COL5A1: variants seen among roughly 807,000 people sequenced by gnomAD.
COL5A1 encodes collagen alpha-1(V) chain.
A neutral mutation model predicts 263.7 loss-of-function variants in COL5A1; 16 were observed. The observed-to-expected ratio is 0.06, with a 90% CI of 0.04 to 0.09. The LOEUF (loss-of-function observed/expected upper bound fraction) is 0.09. COL5A1 is among the 10% of genes least tolerant of loss of function. COL5A1 has a pLI of 1.00. For missense variants in COL5A1, 2,036 were observed against 2,540.5 expected (o/e 0.80, Z 4.27); for synonymous variants, 1,012 against 1,004.5 (o/e 1.01, Z -0.14).
intron 1 of COL5A1, among the ~76,000 whole-genome samples, chr9:134,656,269 C>A (rs191660643): frequency 6.6e-6 from 1 of 152,300 alleles, no homozygotes; most frequent in Non-Finnish European, 1.5e-5. Context: ...AGGGTGGGGG[C>A]CTGTGCCTCC....
At chr9:134,648,497 A>G (rs1056594535) in intron 1 of COL5A1, among the ~76,000 whole-genome samples, 3 of 152,012 alleles carry the variant, frequency 2.0e-5, no homozygotes, top group Non-Finnish European at 4.4e-5. Context: ...TCCTGGCTCC[A>G]GTGTCTACCA....
intron 29 of COL5A1, among the ~76,000 whole-genome samples, chr9:134,784,455 G>A (rs971234249): frequency 3.9e-5 from 6 of 152,198 alleles, no homozygotes; most frequent in East Asian, 1.9e-4. Context: ...TCTGTAACTT[G>A]AGGAAGTTGG....
At position 134,741,667 on chromosome 9, in the gene COL5A1, G is replaced by A. The variant is rs1835307784; in HGVS notation, c.1494+2859G>A. ...CTTTTAGGCAGAAGAGGGGAGGTAA[G>A]AGAACTCTTCTTGCGTCCGTCGATT... On this transcript the variant is annotated intron_variant, in intron 11 of 65. Coordinates refer to ENST00000371817, the MANE Select transcript of COL5A1 (RefSeq NM_000093.5). The surrounding 1 kb of genome is among the most constrained non-coding windows in gnomAD (Gnocchi z 4.5). Among the ~76,000 whole-genome samples the A allele has an allele frequency of 6.6e-6, 1 of 152,174 alleles. No individual in the cohort carries two copies. Among genetic ancestry groups the A allele is most frequent in the African/African-American group, 2.4e-5 (1 of 41,424 alleles).
rs1833635484 is a variant in COL5A1, at chr9:134,700,543, G to A, written c.491+421G>A. Among the ~76,000 whole-genome samples, 2 of 152,200 alleles carry A rather than the reference G, an allele frequency of 1.3e-5. No homozygotes were observed. The highest frequency in any genetic ancestry group is 3.2e-3 in the Middle Eastern group (1 of 316). Reference sequence around the variant, plus strand: ...GGGTCGTGCCAGCACGCTCTGTTGGGTGCAGACCTCAACACCAGGGGTTGT... The same window carrying A: ...GGGTCGTGCCAGCACGCTCTGTTGGATGCAGACCTCAACACCAGGGGTTGT... On this transcript the variant is annotated intron_variant, in intron 3 of 65. Transcript: ENST00000371817. This position sits in a 1 kb window ranked among gnomAD's most constrained non-coding sequence, Gnocchi z 4.0.
At chr9:134,835,603 C>G (rs1035686839) in intron 65 of COL5A1, among the ~76,000 whole-genome samples, 1 of 152,204 alleles carries the variant, frequency 6.6e-6, no homozygotes, top group Non-Finnish European at 1.5e-5. Context: ...GGCCTGTTCC[C>G]GAGAGCACGG....
At position 134,796,562 on chromosome 9, in the gene COL5A1, G is replaced by A. The variant is rs917811491; in HGVS notation, c.2844+144G>A. The A allele has an allele frequency of 8.2e-5, 73 of 891,212 alleles. No homozygotes were observed. In the East Asian group the frequency reaches 1.8e-3, roughly 22 times the overall value. The allele number at this position is 891,212 out of a possible 1,614,324, so 55.2% of individuals were successfully genotyped here. ...GTAGGGTTTTCCTAAGATCCCAAGG[G>A]TGGGTCACGCCCTGGGAGTGAACTC... On this transcript the variant is annotated intron_variant, in intron 35 of 65. Coordinates refer to ENST00000371817, the MANE Select transcript of COL5A1 (RefSeq NM_000093.5).
chr9:134,804,639 GGC>G (rs1240418837), intron 39 of COL5A1, among the ~76,000 whole-genome samples: 3 of 152,216 alleles, frequency 2.0e-5, no homozygotes, highest in Non-Finnish European at 4.4e-5. Flanking sequence ...AGATGAGCGT[GGC>G]TTCCAGGTGG....
chr9:134,784,173 C>T (rs960555093), intron 29 of COL5A1, among the ~76,000 whole-genome samples: 3 of 152,226 alleles, frequency 2.0e-5, no homozygotes. Flanking sequence ...GAGAGGAACA[C>T]CTCTTAGGGA....
intron 1 of COL5A1, among the ~76,000 whole-genome samples, chr9:134,687,184 C>G (rs1249638384): frequency 6.6e-6 from 1 of 152,166 alleles, no homozygotes; most frequent in Non-Finnish European, 1.5e-5. Flanking sequence ...GGGGATATGG[C>G]CCTGCTGGCT....
intron 29 of COL5A1, 66 bp downstream of exon 29, chr9:134,782,786 GT>G: frequency 7.2e-7 from 1 of 1,393,756 alleles, no homozygotes; most frequent in Non-Finnish European, 1.0e-6. Flanking sequence ...GTGGGAGGGG[GT>G]GGGGATGTTT....
rs141605844 is a variant in COL5A1, at chr9:134,682,204, G to A, written c.110-8708G>A. The stretch of plus-strand genomic sequence containing the variant: ...TGCTGCCCTGTTCGGGCTGGGGGCT[G>A]GACTGGGTGTCCCCAGAGCCGACAG... On this transcript the variant is annotated intron_variant, in intron 1 of 65. Coordinates refer to ENST00000371817, the MANE Select transcript of COL5A1 (RefSeq NM_000093.5). The surrounding 1 kb of genome is among the most constrained non-coding windows in gnomAD (Gnocchi z 5.1). Among the ~76,000 whole-genome samples, 34 of 152,320 alleles carry A rather than the reference G, an allele frequency of 2.2e-4. No individual in the cohort carries two copies. The highest frequency in any genetic ancestry group is 1.4e-3 in the Admixed American group (22 of 15,306).
At chr9:134,717,207 G>A (rs774340160) in intron 4 of COL5A1, among the ~76,000 whole-genome samples, 22 of 152,274 alleles carry the variant, frequency 1.4e-4, no homozygotes, top group Middle Eastern at 3.4e-3. Flanking sequence ...AAGGGGCACC[G>A]GTGGCGTCCG....
At position 134,841,825 on chromosome 9, in the gene COL5A1, T is replaced by C. The variant is rs532418219; in HGVS notation, c.5371-332T>C. 1.3e-5 allele frequency among the ~76,000 whole-genome samples: 2 copies of C among 152,260 alleles called. No homozygotes were observed. The highest frequency in any genetic ancestry group is 4.1e-4 in the South Asian group (2 of 4,824). The stretch of plus-strand genomic sequence containing the variant: ...AATACCTGGGGCATCACAAGGAGTC[T>C]GGACTGGGCACGGTGGGAAGGCTGA... On this transcript the variant is annotated intron_variant, in intron 65 of 65. Transcript: ENST00000371817. The surrounding 1 kb of genome is among the most constrained non-coding windows in gnomAD (Gnocchi z 4.8).
intron 1 of COL5A1, among the ~76,000 whole-genome samples, chr9:134,643,907 C>T (rs1029214779): frequency 6.6e-6 from 1 of 152,100 alleles, no homozygotes; most frequent in Admixed American, 6.6e-5. Context: ...GCTTGGGGTT[C>T]CATTTCCCTC....
chr9:134,698,446 G>A (rs1286678120), intron 2 of COL5A1, among the ~76,000 whole-genome samples: 2 of 152,264 alleles, frequency 1.3e-5, no homozygotes, highest in African/African-American at 4.8e-5. Context: ...GCCTGTGGGG[G>A]CCTTGGAGGG....
intron 43 of COL5A1, among the ~76,000 whole-genome samples, 196 bp downstream of exon 43, chr9:134,809,486 C>T (rs761291218): frequency 3.9e-5 from 6 of 152,066 alleles, no homozygotes; most frequent in Non-Finnish European, 8.8e-5. Context: ...TACACGCCGT[C>T]CCCGGCACGC....
intron 8 of COL5A1, 105 bp downstream of exon 8, chr9:134,731,768 C>T (rs1378218595): frequency 7.8e-7 from 1 of 1,280,718 alleles, no homozygotes; most frequent in Non-Finnish European, 1.1e-6. Context: ...CTACGGGCAG[C>T]TCAAGTGTTA....
At chr9:134,766,406 G>C (rs1029427728) in intron 21 of COL5A1, 48 bp from the exon 22 acceptor site, 1 of 1,595,210 alleles carries the variant, frequency 6.3e-7, no homozygotes, top group African/African-American at 1.3e-5. Context: ...AGCACTGTGA[G>C]TTCTTTCGCA....
rs576117763 is a variant in COL5A1, at chr9:134,744,890, C to A, written c.1495-5652C>A. Among the ~76,000 whole-genome samples, 581 of 143,412 alleles carry A rather than the reference C, an allele frequency of 4.1e-3. 3 individuals are homozygous for A. The highest frequency in any genetic ancestry group is 0.015 in the African/African-American group (522 of 33,864). 94.1% of individuals were successfully genotyped at this position (143,412 alleles called of 152,430 possible). ...ACACATGCACTCACACACCTGCACACACACTCATGCACATATGCACACACC... is the reference window on the plus strand; with the variant it reads ...ACACATGCACTCACACACCTGCACAAACACTCATGCACATATGCACACACC... On this transcript the variant is annotated intron_variant, in intron 11 of 65. Coordinates refer to ENST00000371817, the MANE Select transcript of COL5A1 (RefSeq NM_000093.5).
Sources: allele counts gnomAD v4.1 joint callset (sites outside exome capture counted in the v4.1 genomes callset), GRCh38; gene constraint gnomAD v4.1.1; non-coding constraint Gnocchi (gnomAD v3.1); transcripts MANE v1.5; gene names NCBI Gene and HGNC (gene_info 2026-07-23, HGNC 2026-07-21).